Variants in FSTL4 observed in about 807,000 individuals in gnomAD.
FSTL4 encodes the protein follistatin like 4, also known as follistatin-related protein 4.
Under a neutral mutation model 78.2 loss-of-function variants are expected in FSTL4, and 28 were observed. That is an observed-to-expected ratio of 0.36 (90% confidence interval 0.27 to 0.49). FSTL4 has a LOEUF of 0.49. Ranked by LOEUF, FSTL4 falls within the 20% of genes least tolerant of loss-of-function variation. FSTL4 has a pLI of 0.98. For missense variants in FSTL4, 922 were observed against 1,084.9 expected, an observed-to-expected ratio of 0.85 and a Z score of 2.11; for synonymous variants, 422 against 440.5, an observed-to-expected ratio of 0.96 and a Z score of 0.53.
At chr5:133,657,781 T>A in the FSTL4 span, among the ~76,000 whole-genome samples, 1 of 151,110 alleles carries the variant, frequency 6.6e-6, no homozygotes, top group South Asian at 2.1e-4. Context: ...TTTTGTTTTT[T>A]TTTTTTTTTA....
the FSTL4 span, among the ~76,000 whole-genome samples, chr5:133,725,709 T>A: frequency 6.6e-6 from 1 of 152,176 alleles, no homozygotes; most frequent in Non-Finnish European, 1.5e-5. Flanking sequence ...GGGTTGTTAT[T>A]AATAACACTC....
At chr5:133,451,319 G>C (rs1207953965) in intron 3 of FSTL4, among the ~76,000 whole-genome samples, 1 of 152,124 alleles carries the variant, frequency 6.6e-6, no homozygotes, top group African/African-American at 2.4e-5. Context: ...CCAGCACTTT[G>C]GGAGGCAGAG....
chr5:133,434,172 T>C (rs1264193339), intron 3 of FSTL4, among the ~76,000 whole-genome samples: 3 of 151,942 alleles, frequency 2.0e-5, no homozygotes, highest in Non-Finnish European at 4.4e-5. Flanking sequence ...TAGGGCATAG[T>C]AGTGGTGATG....
At chr5:133,627,633 A>T in the FSTL4 span, among the ~76,000 whole-genome samples, 1 of 152,176 alleles carries the variant, frequency 6.6e-6, no homozygotes, top group Non-Finnish European at 1.5e-5. Flanking sequence ...ATAATGTTAT[A>T]TTTGAAGTGA....
chr5:133,350,416 G>A (rs1403710179), intron 4 of FSTL4, among the ~76,000 whole-genome samples: 1 of 152,232 alleles, frequency 6.6e-6, no homozygotes, highest in East Asian at 1.9e-4. Context: ...TGCACGAAGG[G>A]CCCACACAGC....
chr5:133,576,660 G>A (rs1316651792), intron 2 of FSTL4, among the ~76,000 whole-genome samples: 1 of 152,112 alleles, frequency 6.6e-6, no homozygotes, highest in African/African-American at 2.4e-5. Flanking sequence ...AGCAGCAGAG[G>A]GGCTGAGGAA....
chr5:133,752,130 G>C, the FSTL4 span, among the ~76,000 whole-genome samples: 2 of 152,236 alleles, frequency 1.3e-5, no homozygotes, highest in African/African-American at 4.8e-5. Context: ...CAGGCGAAGG[G>C]ATTGGGCCTG....
At chr5:133,803,762 A>G in the FSTL4 span, among the ~76,000 whole-genome samples, 1 of 152,230 alleles carries the variant, frequency 6.6e-6, no homozygotes, top group African/African-American at 2.4e-5. Flanking sequence ...AAAGACCCTC[A>G]TGCCAAACTG....
intron 4 of FSTL4, among the ~76,000 whole-genome samples, chr5:133,380,803 T>C (rs1755549204): frequency 6.8e-6 from 1 of 146,328 alleles, no homozygotes; most frequent in Admixed American, 6.9e-5. Flanking sequence ...CAGCAATATA[T>C]AAAATATATA....
chr5:133,499,790 T>C (rs10039031), intron 3 of FSTL4, among the ~76,000 whole-genome samples: 3,200 of 152,252 alleles, frequency 0.021, 122 homozygotes, highest in African/African-American at 0.073. Flanking sequence ...TCTACCCATC[T>C]CTACCTCCGA....
chr5:133,571,505 C>G (rs1760154189), intron 2 of FSTL4, among the ~76,000 whole-genome samples: 1 of 152,138 alleles, frequency 6.6e-6, no homozygotes, highest in Admixed American at 6.5e-5. Flanking sequence ...TTTAGAATAA[C>G]TATGGCTAAT....
At chr5:133,217,100 C>G (rs181686323) in intron 13 of FSTL4, 129 bp downstream of exon 13, 6 of 683,934 alleles carry the variant, frequency 8.8e-6, no homozygotes, top group Non-Finnish European at 1.5e-5. Context: ...AATAATTACA[C>G]ATGAATCTTT....
At chr5:133,302,354 A>G (rs1581604277) in intron 6 of FSTL4, among the ~76,000 whole-genome samples, 1 of 152,108 alleles carries the variant, frequency 6.6e-6, no homozygotes, top group African/African-American at 2.4e-5. Context: ...ACAAATAAAT[A>G]CCCAGAAAGA....
At chr5:133,777,555 C>G in the FSTL4 span, among the ~76,000 whole-genome samples, 5 of 152,226 alleles carry the variant, frequency 3.3e-5, no homozygotes, top group Admixed American at 6.5e-5. Context: ...TCCCAGTCTC[C>G]TCCCAAGACA....
At position 133,603,881 on chromosome 5, in the gene FSTL4, C is replaced by A. The variant is rs1289632588; in HGVS notation, c.103G>T (p.Gly35Cys). The A allele has an allele frequency of 6.2e-7, 1 of 1,614,128 alleles. No homozygotes were observed. The highest frequency in any genetic ancestry group is 8.5e-7 in the Non-Finnish European group (1 of 1,179,978). The change falls in exon 2 of 16, where the codon GGT (glycine) becomes TGT (cysteine). Residue 35 changes from glycine to cysteine, a missense_variant. Coordinates refer to ENST00000265342, the MANE Select transcript of FSTL4 (RefSeq NM_015082.2). ...ACCTCTGCCTGTGACTCCCCCACAC[C>A]CACATCCGGGCCTCTGCTGGTTCCT... ...DPGTSRGPDV[G>C]VGESQAEEPR...
chr5:133,346,639 C>T (rs1160277182), intron 4 of FSTL4, among the ~76,000 whole-genome samples: 1 of 152,148 alleles, frequency 6.6e-6, no homozygotes, highest in Non-Finnish European at 1.5e-5. Context: ...GCTTCTGTCT[C>T]AGTGGGTCAT....
the FSTL4 span, among the ~76,000 whole-genome samples, chr5:133,726,714 G>T: frequency 6.6e-6 from 1 of 152,166 alleles, no homozygotes; most frequent in Non-Finnish European, 1.5e-5. Flanking sequence ...ATGGAAAAAG[G>T]ATCCCGGCTG....
At chr5:133,636,721 G>A in the FSTL4 span, among the ~76,000 whole-genome samples, 4 of 152,278 alleles carry the variant, frequency 2.6e-5, no homozygotes, top group East Asian at 1.9e-4. Flanking sequence ...TTGTTGTTAT[G>A]TCTAAATGAA....
At chr5:133,480,051 G>A (rs1277128990) in intron 3 of FSTL4, among the ~76,000 whole-genome samples, 1 of 152,202 alleles carries the variant, frequency 6.6e-6, no homozygotes, top group Non-Finnish European at 1.5e-5. Context: ...ATGGGACAAT[G>A]TTTGTGACAG....
Sources: gnomAD v4.1 joint callset for allele counts (sites outside exome capture counted in the v4.1 genomes callset) on GRCh38, gnomAD v4.1.1 for gene constraint, MANE v1.5 for transcripts, NCBI Gene and HGNC (gene_info 2026-07-23, HGNC 2026-07-21) for gene names.